Variants in FOXO3 observed in about 807,000 individuals in gnomAD.
FOXO3 encodes forkhead box protein O3.
In FOXO3, 4 loss-of-function variants were observed where a neutral mutation model predicts 41.9. The observed-to-expected ratio is 0.10, with a 90% CI of 0.05 to 0.22. FOXO3 has a LOEUF of 0.22. Among genes scored for constraint, FOXO3 ranks in the 10% least tolerant of loss-of-function variants. The probability of loss-of-function intolerance (pLI) is 1.00; values close to 1 mark genes in which losing one functional copy is unlikely to be tolerated. For synonymous variants in FOXO3, 318 were observed against 389.3 expected (o/e 0.82, Z 2.16); for missense variants, 534 against 906.8 (o/e 0.59, Z 5.28).
At position 108,569,987 on chromosome 6, in the gene FOXO3, GTTTTTTTTTTTTTTT is replaced by G. The variant is rs71015551; in HGVS notation, c.621+8174_621+8188del. Among the ~76,000 whole-genome samples, 17 of 73,264 alleles carry G rather than the reference GTTTTTTTTTTTTTTT, an allele frequency of 2.3e-4. No homozygotes were observed. In the East Asian group the frequency reaches 6.0e-3, roughly 26 times the overall value. The allele number at this position is 73,264 out of a possible 152,430, so 48.1% of individuals were successfully genotyped here. Reference sequence around the variant, plus strand: ...TCCACATCATGTTTTCCCTTGCGTGGTTTTTTTTTTTTTTTTTTTTTTTTTTTTTTGAGACAGAAT... The same window carrying G: ...TCCACATCATGTTTTCCCTTGCGTGGTTTTTTTTTTTTTTTGAGACAGAAT... On this transcript the variant is annotated intron_variant, in intron 1 of 2. Transcript: ENST00000406360.
intron 1 of FOXO3, among the ~76,000 whole-genome samples, chr6:108,624,639 A>G (rs1777760572): frequency 6.6e-6 from 1 of 152,164 alleles, no homozygotes; most frequent in Non-Finnish European, 1.5e-5. Flanking sequence ...TTCGTATTGT[A>G]CTTTGGTGAA....
chr6:108,666,809 G>T (rs903082436), intron 2 of FOXO3, among the ~76,000 whole-genome samples: 8 of 152,122 alleles, frequency 5.3e-5, no homozygotes, highest in African/African-American at 1.9e-4. Context: ...GAAGTAAGAT[G>T]AACACTGGGA....
At chr6:108,570,939 C>G (rs978739290) in intron 1 of FOXO3, among the ~76,000 whole-genome samples, 116 of 152,168 alleles carry the variant, frequency 7.6e-4, no homozygotes, top group African/African-American at 2.8e-3. Context: ...TTACTTCCCA[C>G]TCCTAGATCA....
chr6:108,642,925 T>G (rs1443003142), intron 1 of FOXO3, among the ~76,000 whole-genome samples: 1 of 152,220 alleles, frequency 6.6e-6, no homozygotes, highest in Non-Finnish European at 1.5e-5. Flanking sequence ...TCAACTAATG[T>G]AACTTCAGCT....
At chr6:108,666,843 C>T (rs1208934239) in intron 2 of FOXO3, among the ~76,000 whole-genome samples, 1 of 152,162 alleles carries the variant, frequency 6.6e-6, no homozygotes, top group East Asian at 1.9e-4. Flanking sequence ...GGTTTGCACC[C>T]CTAGCCACCT....
rs1775796839 is a variant in FOXO3 at position 108,561,731 on chromosome 6, G to A, written c.523G>A (p.Asp175Asn). The stretch of plus-strand genomic sequence containing the variant: ...CACCCGCGCCATCGAGAGCTCCCCG[G>A]ACAAACGGCTCACTCTGTCCCAGAT... ...LITRAIESSP[D>N]KRLTLSQIYE... is the part of the protein sequence containing the mutation. Residue 175 changes from aspartate to asparagine, a missense_variant, in exon 1 of 3, where the codon GAC becomes AAC. Around this residue, in one of 8 missense-constraint regions of FOXO3, gnomAD observed 77 missense variants for 193.2 expected, o/e 0.40. Transcript: ENST00000406360. The A allele has an allele frequency of 6.2e-7, 1 of 1,610,472 alleles. No homozygotes were observed. Among genetic ancestry groups the A allele is most frequent in the Non-Finnish European group, 8.5e-7 (1 of 1,178,668 alleles).
intron 1 of FOXO3, among the ~76,000 whole-genome samples, chr6:108,659,354 A>G (rs1186825839): frequency 6.6e-6 from 1 of 152,172 alleles, no homozygotes; most frequent in African/African-American, 2.4e-5. Context: ...TGTTAGCCCA[A>G]GTAGATTAAA....
chr6:108,656,537 C>T, intron 1 of FOXO3: 1 of 984,326 alleles, frequency 1.0e-6, no homozygotes, highest in Non-Finnish European at 1.2e-6. Flanking sequence ...GCTCGGAAAA[C>T]AGTAAGTTAA....
At chr6:108,589,148 A>G (rs931340299) in intron 1 of FOXO3, among the ~76,000 whole-genome samples, 1 of 152,240 alleles carries the variant, frequency 6.6e-6, no homozygotes, top group Non-Finnish European at 1.5e-5. Context: ...GTTGTTTTCC[A>G]TGTTCCAGTT....
At position 108,615,400 on chromosome 6, in the gene FOXO3, C is replaced by T. The variant is rs185013280; in HGVS notation, c.622-48055C>T. Among the ~76,000 whole-genome samples the T allele has an allele frequency of 6.5e-3, 995 of 151,912 alleles. 15 individuals carry two copies. Among genetic ancestry groups the T allele is most frequent in the African/African-American group, 0.023 (935 of 41,316 alleles). On this transcript the variant is annotated intron_variant, in intron 1 of 2. Transcript: ENST00000406360. ...AATTTCTAGATTGGTAGCTTTTTCCCTCTCTTAGTAAGGATGTTCCTCCAT... is the reference window on the plus strand; with the variant it reads ...AATTTCTAGATTGGTAGCTTTTTCCTTCTCTTAGTAAGGATGTTCCTCCAT...
chr6:108,604,284 C>T (rs1046185885), intron 1 of FOXO3, among the ~76,000 whole-genome samples: 1 of 152,136 alleles, frequency 6.6e-6, no homozygotes, highest in African/African-American at 2.4e-5. Flanking sequence ...TGGAAAACGA[C>T]AGTACGCACT....
intron 1 of FOXO3, among the ~76,000 whole-genome samples, chr6:108,574,439 C>T (rs1366988167): frequency 2.0e-5 from 3 of 151,616 alleles, no homozygotes; most frequent in Admixed American, 6.6e-5. Context: ...GCTTCAAGCA[C>T]GTAGATGAAT....
chr6:108,612,421 T>C (rs1271112811), intron 1 of FOXO3, among the ~76,000 whole-genome samples: 2 of 152,146 alleles, frequency 1.3e-5, no homozygotes, highest in African/African-American at 4.8e-5. Context: ...GGCTCATGCC[T>C]GTAATCCCAG....
chr6:108,574,204 G>A (rs1776198111), intron 1 of FOXO3, among the ~76,000 whole-genome samples: 1 of 151,992 alleles, frequency 6.6e-6, no homozygotes. Context: ...GTCTTTAATG[G>A]GAGAGTAGGA....
intron 1 of FOXO3, among the ~76,000 whole-genome samples, chr6:108,577,805 A>G (rs1057268322): frequency 7.2e-5 from 11 of 152,292 alleles, no homozygotes; most frequent in African/African-American, 2.6e-4. Context: ...GAGTGCTGTA[A>G]AGTTGGGATT....
upstream of FOXO3, chr6:108,560,888 G>A: frequency 5.7e-6 from 6 of 1,048,780 alleles, no homozygotes; most frequent in South Asian, 1.9e-4. Context: ...CGATTCGCTC[G>A]CGGCTCCATC....
At position 108,680,805 on chromosome 6, in the gene FOXO3, AC is replaced by A. The variant is rs1770821311; in HGVS notation, c.*1014del. The A allele has an allele frequency of 6.6e-6, 1 of 151,988 alleles. No individual in the cohort carries two copies. Among genetic ancestry groups the A allele is most frequent in the East Asian group, 1.9e-4 (1 of 5,182 alleles). The allele number at this position is 151,988 out of a possible 1,614,324, so 9.4% of individuals were successfully genotyped here. A position where few individuals can be genotyped will look rare whatever the true frequency, so the allele number is the denominator to read the frequency against. On this transcript the variant is annotated 3_prime_UTR_variant, in exon 3 of 3. Coordinates refer to ENST00000406360, the MANE Select transcript of FOXO3 (RefSeq NM_001455.4). Reference sequence around the variant, plus strand: ...TTTGCTTTGCAGAACAAATGAACTTACAGGTGAGCATTAAGCTTGCAGTGAG... The same window carrying A: ...TTTGCTTTGCAGAACAAATGAACTTAAGGTGAGCATTAAGCTTGCAGTGAG...
intron 1 of FOXO3, among the ~76,000 whole-genome samples, chr6:108,627,343 G>A (rs1389159790): frequency 6.6e-6 from 1 of 152,128 alleles, no homozygotes; most frequent in African/African-American, 2.4e-5. Flanking sequence ...CTCATTTATT[G>A]ATGACTGCCT....
intron 1 of FOXO3, among the ~76,000 whole-genome samples, chr6:108,578,382 A>C (rs1296239386): frequency 6.6e-6 from 1 of 152,228 alleles, no homozygotes; most frequent in Non-Finnish European, 1.5e-5. Context: ...TGGCTTCAGA[A>C]TCATGGCAAA....
Sources: allele counts gnomAD v4.1 joint callset (sites outside exome capture counted in the v4.1 genomes callset), GRCh38; gene constraint gnomAD v4.1.1; regional missense constraint gnomAD v4.1.1; transcripts MANE v1.5; gene names NCBI Gene and HGNC (gene_info 2026-07-23, HGNC 2026-07-21).